Variants in ZNF536 observed in about 807,000 individuals in gnomAD.
ZNF536 encodes zinc finger protein 536.
ZNF536 carries 13 observed loss-of-function variants against 84.5 expected under a neutral mutation model. The ratio of observed to expected loss-of-function variants is 0.15; its 90% CI spans 0.10 to 0.24. ZNF536 has a LOEUF of 0.24. ZNF536 is among the 10% of genes least tolerant of loss of function. ZNF536 has a pLI of 1.00. For synonymous variants in ZNF536, 811 were observed against 742.5 expected (o/e 1.09, Z -1.50); for missense variants, 1,536 against 1,747.5 (o/e 0.88, Z 2.16).
At chr19:30,621,929 T>A (rs2048497660) in intron 1 of ZNF536, among the ~76,000 whole-genome samples, 1 of 152,208 alleles carries the variant, frequency 6.6e-6, no homozygotes. Context: ...TTTGAAATGG[T>A]CCCCCAGACA....
chr19:30,464,088 C>T (rs757076199), intron 2 of ZNF536, among the ~76,000 whole-genome samples: 1 of 152,218 alleles, frequency 6.6e-6, no homozygotes, highest in Non-Finnish European at 1.5e-5. Context: ...GCCAGGGGTA[C>T]AACCTTCAAC....
intron 1 of ZNF536, among the ~76,000 whole-genome samples, chr19:30,607,139 G>A (rs955377223): frequency 2.0e-5 from 3 of 152,116 alleles, no homozygotes; most frequent in Non-Finnish European, 2.9e-5. Flanking sequence ...AAACCTCTTC[G>A]ACGTAGATTT....
intron 1 of ZNF536, among the ~76,000 whole-genome samples, chr19:30,380,731 G>C (rs1339505182): frequency 6.6e-6 from 1 of 152,154 alleles, no homozygotes; most frequent in Non-Finnish European, 1.5e-5. Context: ...GCTTCCTGAA[G>C]GAGGAGTGTG....
chr19:30,325,389 G>T (rs921688803), intron 2 of ZNF536, among the ~76,000 whole-genome samples: 1 of 152,236 alleles, frequency 6.6e-6, no homozygotes, highest in African/African-American at 2.4e-5. Flanking sequence ...CTGCAAGTCA[G>T]CAGGCCATCA....
chr19:30,693,886 TA>T (rs1395060574), intron 1 of ZNF536, among the ~76,000 whole-genome samples: 1 of 152,188 alleles, frequency 6.6e-6, no homozygotes, highest in Non-Finnish European at 1.5e-5. Flanking sequence ...TTCTCACACA[TA>T]AACTCACATT....
intron 2 of ZNF536, among the ~76,000 whole-genome samples, chr19:30,513,133 T>A (rs1436009961): frequency 2.0e-5 from 3 of 152,214 alleles, no homozygotes; most frequent in East Asian, 1.9e-4. Context: ...GCATTTTTTT[T>A]ATATCATAGA....
At chr19:30,398,564 A>C (rs1568390582) in intron 1 of ZNF536, among the ~76,000 whole-genome samples, 2 of 151,828 alleles carry the variant, frequency 1.3e-5, no homozygotes, top group East Asian at 3.9e-4. Context: ...GACAGGCCCC[A>C]GTGTGTGATG....
At chr19:30,368,309 T>G (rs1375612563), upstream of ZNF536, among the ~76,000 whole-genome samples, 2 of 152,220 alleles carry the variant, frequency 1.3e-5, no homozygotes, top group Non-Finnish European at 2.9e-5. Flanking sequence ...ATATCTTTCC[T>G]CTCATCAGCA....
chr19:30,671,170 C>T (rs983883941), intron 1 of ZNF536, among the ~76,000 whole-genome samples: 45 of 152,220 alleles, frequency 3.0e-4, no homozygotes, highest in African/African-American at 1.0e-3. Flanking sequence ...CCACAGGTAC[C>T]TAGGGGGTAT....
intron 1 of ZNF536, among the ~76,000 whole-genome samples, chr19:30,586,480 G>A (rs73924791): frequency 0.051 from 7,838 of 152,288 alleles, 583 homozygotes; most frequent in African/African-American, 0.16. Flanking sequence ...TGACATAAGA[G>A]CACCTTTTGA....
At chr19:30,466,584 A>AAGAAAGAAAGAGAG (rs1555775076) in intron 2 of ZNF536, among the ~76,000 whole-genome samples, 6 of 144,374 alleles carry the variant, frequency 4.2e-5, no homozygotes, top group Non-Finnish European at 9.0e-5. Flanking sequence ...GAAAGAAAGA[A>AAGAAAGAAAGAGAG]AGAGAGAGAG....
intron 1 of ZNF536, among the ~76,000 whole-genome samples, chr19:30,576,018 G>C (rs975424380): frequency 2.0e-5 from 3 of 152,196 alleles, no homozygotes; most frequent in African/African-American, 7.2e-5. Flanking sequence ...AGAAGGGCTC[G>C]GCTCATGGTA....
rs147588477 is a variant in ZNF536 at position 30,447,931 on chromosome 19, A to G, written c.2170+2199A>G. Among the ~76,000 whole-genome samples, 1,189 of 152,304 alleles carry G rather than the reference A, an allele frequency of 7.8e-3. 13 individuals are homozygous for G. Among genetic ancestry groups the G allele is most frequent in the Non-Finnish European group, 8.8e-3 (600 of 68,030 alleles). ...GTTCAGCTTCATTAATGACGTGTTT[A>G]CCGTGTTTTTCTCACCTTCTGGCCA... On this transcript the variant is annotated intron_variant, in intron 2 of 4. Transcript: ENST00000355537.
At chr19:30,232,860 T>A (rs1346637087) in intron 1 of ZNF536, among the ~76,000 whole-genome samples, 1 of 152,194 alleles carries the variant, frequency 6.6e-6, no homozygotes, top group Non-Finnish European at 1.5e-5. Flanking sequence ...TAGATGCCAG[T>A]AGCACCCCCC....
At chr19:30,690,976 C>T (rs944762724) in intron 1 of ZNF536, among the ~76,000 whole-genome samples, 2 of 152,082 alleles carry the variant, frequency 1.3e-5, no homozygotes, top group Admixed American at 6.6e-5. Flanking sequence ...CTGAAGATAC[C>T]GGCTAACTAT....
intron 2 of ZNF536, among the ~76,000 whole-genome samples, chr19:30,526,520 C>G (rs1004093545): frequency 6.7e-6 from 1 of 148,694 alleles, no homozygotes; most frequent in Non-Finnish European, 1.5e-5. Flanking sequence ...GTCAGGAGAT[C>G]GAGACCATCC....
intron 2 of ZNF536, among the ~76,000 whole-genome samples, chr19:30,523,948 T>A (rs2044470269): frequency 6.6e-6 from 1 of 152,200 alleles, no homozygotes; most frequent in East Asian, 1.9e-4. Flanking sequence ...CTTAGTGGCT[T>A]TGGGGCAAAA....
intron 1 of ZNF536, among the ~76,000 whole-genome samples, chr19:30,592,390 C>T (rs1267310852): frequency 6.6e-6 from 1 of 152,068 alleles, no homozygotes; most frequent in East Asian, 1.9e-4. Context: ...TTTTGTTAGA[C>T]CCATTTTTAG....
chr19:30,312,869 C>T (rs1429378009), intron 2 of ZNF536, among the ~76,000 whole-genome samples: 1 of 152,254 alleles, frequency 6.6e-6, no homozygotes, highest in Non-Finnish European at 1.5e-5. Flanking sequence ...CAGGCAGCCT[C>T]CCTCCTTTGC....
Sources: allele counts gnomAD v4.1 joint callset (sites outside exome capture counted in the v4.1 genomes callset), GRCh38; gene constraint gnomAD v4.1.1; transcripts MANE v1.5; gene names NCBI Gene and HGNC (gene_info 2026-07-23, HGNC 2026-07-21).